POLH: variants seen among roughly 807,000 people sequenced by gnomAD.
POLH encodes the protein DNA polymerase eta transcript.
Under a neutral mutation model 73.6 loss-of-function variants are expected in POLH, and 53 were observed. That is an observed-to-expected ratio of 0.72 (90% CI 0.58 to 0.91). The LOEUF (loss-of-function observed/expected upper bound fraction) is 0.91, where lower values mean the gene tolerates loss of function less well. Among genes scored for constraint, POLH ranks in the 40% least tolerant of loss-of-function variants. The pLI is 0.00. For synonymous variants in POLH, 292 were observed against 308.5 expected (o/e 0.95, Z 0.56); for missense variants, 768 against 865.4 (o/e 0.89, Z 1.41).
At chr6:43,599,113 C>A (rs554916741) in intron 5 of POLH, among the ~76,000 whole-genome samples, 3 of 151,420 alleles carry the variant, frequency 2.0e-5, no homozygotes. Context: ...CTCAGCCTCC[C>A]GAGTAGCTGG....
Position 43,614,021 on chromosome 6 carries a change from A to C in POLH, c.1606A>C (p.Ser536Arg). The change falls in exon 11 of 11, where the codon AGT becomes CGT. Residue 536 changes from serine to arginine, a missense_variant. Physicochemically the swap from Ser to Arg is moderately radical, Grantham distance 110 (BLOSUM62 -1). Coordinates refer to ENST00000372236, the MANE Select transcript of POLH (RefSeq NM_006502.3). Reference sequence around the variant, plus strand: ...AACTGAGCCCTTCTTTAAGCAGAAAAGTCTGCTTCTAAAGCAGAAACAGCT... The same window carrying C: ...AACTGAGCCCTTCTTTAAGCAGAAACGTCTGCTTCTAAAGCAGAAACAGCT... The part of the protein sequence containing the change: ...TGTEPFFKQK[S>R]LLLKQKQLNN... 1 of 1,614,140 alleles carries C rather than the reference A, an allele frequency of 6.2e-7. No individual in the cohort carries two copies. Among genetic ancestry groups the C allele is most frequent in the Non-Finnish European group, 8.5e-7 (1 of 1,180,016 alleles).
chr6:43,580,417 CT>C (rs1763920605), intron 1 of POLH, among the ~76,000 whole-genome samples: 1 of 150,018 alleles, frequency 6.7e-6, no homozygotes, highest in African/African-American at 2.5e-5. Flanking sequence ...TCTCAATGAG[CT>C]GTTGGGCACA....
At chr6:43,610,137 C>G (rs966643114) in intron 9 of POLH, among the ~76,000 whole-genome samples, 1 of 146,772 alleles carries the variant, frequency 6.8e-6, no homozygotes, top group African/African-American at 2.5e-5. Context: ...TCTTGGCTCA[C>G]TGCAACCTCT....
chr6:43,610,602 G>A lies in POLH; in HGVS notation c.1123G>A (p.Asp375Asn). 1.9e-6 allele frequency: 3 copies of A among 1,614,088 alleles called. No individual in the cohort carries two copies. Among genetic ancestry groups the A allele is most frequent in the Non-Finnish European group, 2.5e-6 (3 of 1,180,000 alleles). Reference sequence around the variant, plus strand: ...GGTTGTGAGCATTCGTGTACAAGGAGACAAACGCCTCAGCAGCCTGCGCCG... The same window carrying A: ...GGTTGTGAGCATTCGTGTACAAGGAAACAAACGCCTCAGCAGCCTGCGCCG... ...QLVVSIRVQG[D>N]KRLSSLRRCC... is the part of the protein sequence containing the mutation. Residue 375 changes from aspartate (D) to asparagine (N), a missense_variant, in exon 10 of 11, where the codon GAC becomes AAC. Asp to Asn is a conservative substitution (Grantham distance 23). Coordinates refer to ENST00000372236, the MANE Select transcript of POLH (RefSeq NM_006502.3).
chr6:43,611,478 G>A (rs1435442255), intron 10 of POLH, among the ~76,000 whole-genome samples: 1 of 152,172 alleles, frequency 6.6e-6, no homozygotes, highest in Non-Finnish European at 1.5e-5. Context: ...TGAAATATAA[G>A]CCTCTTTTTG....
At chr6:43,600,417 C>CA (rs34823014) in intron 5 of POLH, among the ~76,000 whole-genome samples, 84 of 128,318 alleles carry the variant, frequency 6.5e-4, no homozygotes, top group Middle Eastern at 3.9e-3. Context: ...GACTCTGTCT[C>CA]AAAAAAAAAA....
intron 4 of POLH, among the ~76,000 whole-genome samples, chr6:43,590,324 C>G (rs1765306364): frequency 6.6e-6 from 1 of 150,576 alleles, no homozygotes; most frequent in Non-Finnish European, 1.5e-5. Context: ...TACCACTGCA[C>G]TCCAGCCTCG....
intron 6 of POLH, among the ~76,000 whole-genome samples, chr6:43,602,995 C>CAT (rs1475677948): frequency 8.8e-6 from 1 of 114,022 alleles, no homozygotes; most frequent in Non-Finnish European, 1.7e-5. Flanking sequence ...TTATGTATTC[C>CAT]TTTTTTTTTT....
intron 7 of POLH, among the ~76,000 whole-genome samples, 181 bp from the exon 8 acceptor site, chr6:43,604,434 T>C (rs796181820): frequency 6.6e-6 from 1 of 152,324 alleles, no homozygotes; most frequent in African/African-American, 2.4e-5. Flanking sequence ...TGTCCATATA[T>C]TGCACTGGAA....
chr6:43,603,059 G>A (rs1766912328), intron 6 of POLH, among the ~76,000 whole-genome samples: 1 of 141,900 alleles, frequency 7.0e-6, no homozygotes. Flanking sequence ...GGAGTGCAGT[G>A]GCACAATTAA....
chr6:43,618,576 C>T lies in POLH; in HGVS notation c.*4019C>T, dbSNP rs892226795. ...GAAGAAAATGAACTGAAGTAGGTGG[C>T]GCTGGGTGAAGTGGGCCCAGAGAAT... is the stretch of plus-strand genomic sequence containing the variant. On this transcript the variant is annotated 3_prime_UTR_variant, in exon 11 of 11. Coordinates refer to ENST00000372236, the MANE Select transcript of POLH (RefSeq NM_006502.3). Among the ~76,000 whole-genome samples, 10 of 152,264 alleles carry T rather than the reference C, an allele frequency of 6.6e-5. No individual in the cohort carries two copies. The highest frequency in any genetic ancestry group is 1.9e-4 in the East Asian group (1 of 5,188).
Position 43,583,063 on chromosome 6 carries a change from C to T in POLH, c.194C>T (p.Ala65Val). The change falls in exon 3 of 11, where the codon GCA becomes GTA. Residue 65 changes from alanine to valine, a missense_variant. By Grantham distance (64) the Ala-to-Val change is moderately conservative. Coordinates refer to ENST00000372236, the MANE Select transcript of POLH (RefSeq NM_006502.3). ...TTTGGAGTCACTAGAAGTATGTGGG[C>T]AGATGATGCTAAGAAGTTATGTCCA... ...RAFGVTRSMW[A>V]DDAKKLCPDL... 6.2e-7 allele frequency: 1 copy of T among 1,613,014 alleles called. No individual in the cohort carries two copies. The highest frequency in any genetic ancestry group is 8.5e-7 in the Non-Finnish European group (1 of 1,179,142).
intron 10 of POLH, among the ~76,000 whole-genome samples, chr6:43,612,416 G>A (rs1294729172): frequency 1.4e-5 from 2 of 147,034 alleles, no homozygotes; most frequent in East Asian, 2.0e-4. Context: ...ACGCAATCTC[G>A]GCTCACTGCA....
chr6:43,600,017 G>C (rs1017250492), intron 5 of POLH, among the ~76,000 whole-genome samples: 3 of 151,948 alleles, frequency 2.0e-5, no homozygotes, highest in Non-Finnish European at 4.4e-5. Flanking sequence ...AATTAGCTGG[G>C]CATGGTGGCT....
chr6:43,602,596 G>A (rs1766853645), intron 6 of POLH, among the ~76,000 whole-genome samples: 2 of 152,058 alleles, frequency 1.3e-5, no homozygotes, highest in African/African-American at 4.8e-5. Context: ...ATATTGAGGA[G>A]GATAATGGAA....
intron 4 of POLH, among the ~76,000 whole-genome samples, chr6:43,592,926 G>A (rs562840259): frequency 1.4e-4 from 21 of 151,878 alleles, no homozygotes; most frequent in African/African-American, 4.3e-4. Context: ...TATGTTGCCC[G>A]GGCTGGTCTT....
At chr6:43,591,159 G>A (rs1765420940) in intron 4 of POLH, 1 of 152,090 alleles carries the variant, frequency 6.6e-6, no homozygotes, top group African/African-American at 2.4e-5. Context: ...GGACAATAAA[G>A]ATGTGCCACT....
chr6:43,601,017 C>T lies in POLH; in HGVS notation c.690C>T (p.Asn230=). ...TGGCAAAACTGGCCTGTGGACTAAA[C>T]AAGCCCAACCGCCAAACCCTGGTTT... The part of the protein sequence containing the change: ...KVLAKLACGL[N]KPNRQTLVSH... Residue 230 remains asparagine (N), a synonymous_variant, in exon 6 of 11, where the codon AAC becomes AAT. Transcript: ENST00000372236. 6.2e-7 allele frequency: 1 copy of T among 1,614,102 alleles called. No homozygotes were observed. Among genetic ancestry groups the T allele is most frequent in the Non-Finnish European group, 8.5e-7 (1 of 1,179,968 alleles).
chr6:43,604,728 C>T lies in POLH; in HGVS notation c.998C>T (p.Thr333Ile). The T allele has an allele frequency of 6.2e-7, 1 of 1,614,100 alleles. No homozygotes were observed. Among genetic ancestry groups the T allele is most frequent in the Non-Finnish European group, 8.5e-7 (1 of 1,180,024 alleles). The stretch of plus-strand genomic sequence containing the variant: ...TTCCCAGGAAAAACAGCTCTTGCTA[C>T]TCGGGAACAGGTAAGCTGGCATTCT... ...KNFPGKTALA[T>I]REQVQWWLLQ... The change falls in exon 8 of 11, where the codon ACT (threonine) becomes ATT (isoleucine). Residue 333 changes from threonine to isoleucine, a missense_variant. Thr to Ile is a moderately conservative substitution (Grantham distance 89). Transcript: ENST00000372236.
Sources: allele counts gnomAD v4.1 joint callset (sites outside exome capture counted in the v4.1 genomes callset), GRCh38; gene constraint gnomAD v4.1.1; transcripts MANE v1.5; gene names NCBI Gene and HGNC (gene_info 2026-07-23, HGNC 2026-07-21).